The following TAOK1 variants were observed in gnomAD, a reference collection of about 807,000 sequenced individuals.
The protein encoded by TAOK1 is TAO kinase 1.
Under a neutral mutation model 138.3 loss-of-function variants are expected in TAOK1, and 21 were observed. The observed-to-expected ratio is 0.15, with a 90% confidence interval of 0.11 to 0.22. The LOEUF is 0.22. TAOK1 is among the 10% of genes least tolerant of loss of function. The pLI, the probability that TAOK1 is intolerant of heterozygous loss-of-function variation, is 1.00. For missense variants in TAOK1, 651 were observed against 1,227.7 expected (o/e 0.53, Z 7.02); for synonymous variants, 361 against 398.4 (o/e 0.91, Z 1.12).
intron 1 of TAOK1, among the ~76,000 whole-genome samples, chr17:29,420,585 G>GTTT (rs71360703): frequency 0.14 from 17,138 of 123,400 alleles, 1,776 homozygotes; most frequent in Middle Eastern, 0.18. Flanking sequence ...TACTTAATCT[G>GTTT]TTTTTTTTTT....
chr17:29,393,334 C>T (rs1904487373), intron 1 of TAOK1, among the ~76,000 whole-genome samples: 1 of 151,748 alleles, frequency 6.6e-6, no homozygotes, highest in Non-Finnish European at 1.5e-5. Context: ...TGTAGGTTAA[C>T]TATTTACTTG....
At chr17:29,538,138 A>G (rs574172242) in intron 19 of TAOK1, among the ~76,000 whole-genome samples, 1 of 151,664 alleles carries the variant, frequency 6.6e-6, no homozygotes, top group Admixed American at 6.6e-5. Flanking sequence ...AAAGGTAAAC[A>G]TGGCCAAGCC....
intron 1 of TAOK1, among the ~76,000 whole-genome samples, chr17:29,407,468 CAG>C (rs1475668449): frequency 6.6e-6 from 1 of 151,984 alleles, no homozygotes; most frequent in African/African-American, 2.4e-5. Context: ...TTTTTTGAGA[CAG>C]AGTCTCACTC....
At chr17:29,514,128 GA>G (rs2031773151) in intron 15 of TAOK1, 1 of 151,994 alleles carries the variant, frequency 6.6e-6, no homozygotes, top group African/African-American at 2.4e-5. Flanking sequence ...CCTCGAAAAA[GA>G]AAAAGATAAC....
In TAOK1 at chr17:29,423,224, C is replaced by CTT. The variant is rs200888309; in HGVS notation, c.-94-28219_-94-28218dup. On this transcript the variant is annotated intron_variant, in intron 1 of 19. Transcript: ENST00000261716. ...TTTGGTACTAAATCTTTCTTCTTTTCTTTTTTTTTTTTTGAGACAGAGTCT... is the reference window on the plus strand; with the variant it reads ...TTTGGTACTAAATCTTTCTTCTTTTCTTTTTTTTTTTTTTTGAGACAGAGTCT... Among the ~76,000 whole-genome samples the CTT allele has an allele frequency of 7.5e-4, 84 of 112,712 alleles. 1 individual carries two copies. The highest frequency in any genetic ancestry group is 4.9e-3 in the Middle Eastern group (1 of 206). The allele number at this position is 112,712 out of a possible 152,430, so 73.9% of individuals were successfully genotyped here.
chr17:29,508,566 T>C (rs967284763), intron 14 of TAOK1, among the ~76,000 whole-genome samples: 1 of 152,146 alleles, frequency 6.6e-6, no homozygotes, highest in Non-Finnish European at 1.5e-5. Context: ...AGCTTTTTGT[T>C]TCCTGGTTAT....
intron 1 of TAOK1, among the ~76,000 whole-genome samples, chr17:29,418,449 C>T (rs896912844): frequency 5.9e-5 from 9 of 151,778 alleles, no homozygotes; most frequent in African/African-American, 2.2e-4. Context: ...AAGTGATCCT[C>T]CCACCTTGGC....
rs764602200 is a variant in TAOK1, at chr17:29,551,626, G to C, written c.*8604G>C. ...ACCAGCTGGTAAAGGTGACTGTACA[G>C]ATGTGCATTTTCCTTTTGGTATAAA... On this transcript the variant is annotated 3_prime_UTR_variant, in exon 20 of 20. Transcript: ENST00000261716. 3 of 152,652 alleles carry C rather than the reference G, an allele frequency of 2.0e-5. No homozygotes were observed. Among genetic ancestry groups the C allele is most frequent in the Non-Finnish European group, 4.4e-5 (3 of 68,046 alleles). The allele number at this position is 152,652 out of a possible 1,614,324, so 9.5% of individuals were successfully genotyped here. A position where few individuals can be genotyped will look rare whatever the true frequency, so the allele number is the denominator to read the frequency against.
At chr17:29,400,904 CTTTTT>C (rs10539936) in intron 1 of TAOK1, among the ~76,000 whole-genome samples, 18 of 105,238 alleles carry the variant, frequency 1.7e-4, no homozygotes, top group East Asian at 3.3e-4. Flanking sequence ...TTGTTTGCCT[CTTTTT>C]TTTTTTTTTT....
At chr17:29,430,685 C>G (rs1905798932) in intron 1 of TAOK1, among the ~76,000 whole-genome samples, 1 of 152,100 alleles carries the variant, frequency 6.6e-6, no homozygotes. Context: ...CCTTAGGTTC[C>G]CTGCCTCCAG....
Position 29,491,772 on chromosome 17 carries a change from C to A in TAOK1, c.750-12C>A. 6.2e-7 allele frequency: 1 copy of A among 1,601,482 alleles called. No individual in the cohort carries two copies. Among genetic ancestry groups the A allele is most frequent in the Non-Finnish European group, 8.6e-7 (1 of 1,169,020 alleles). On this transcript the variant is annotated splice_polypyrimidine_tract_variant and intron_variant, in intron 9 of 19. Coordinates refer to ENST00000261716, the MANE Select transcript of TAOK1 (RefSeq NM_020791.4). Reference sequence around the variant, plus strand: ...TAGCAATGTGTTCACTTGATACTTTCCTTTACAATAGGTCTGATTATTTTC... The same window carrying A: ...TAGCAATGTGTTCACTTGATACTTTACTTTACAATAGGTCTGATTATTTTC...
At chr17:29,491,076 A>T (rs1227210478) in intron 9 of TAOK1, among the ~76,000 whole-genome samples, 1 of 152,198 alleles carries the variant, frequency 6.6e-6, no homozygotes. Flanking sequence ...AATATATTGA[A>T]CACAGACTGT....
At chr17:29,455,902 T>C (rs986766213) in intron 2 of TAOK1, among the ~76,000 whole-genome samples, 1 of 150,352 alleles carries the variant, frequency 6.7e-6, no homozygotes, top group Non-Finnish European at 1.5e-5. Context: ...CATTCCACAT[T>C]TGTAAGAGAT....
intron 1 of TAOK1, among the ~76,000 whole-genome samples, chr17:29,400,093 C>T (rs975959142): frequency 6.6e-6 from 1 of 151,994 alleles, no homozygotes; most frequent in African/African-American, 2.4e-5. Flanking sequence ...TAAAGCCTGT[C>T]TTAAGAAATG....
At position 29,478,309 on chromosome 17, in the gene TAOK1, G is replaced by C; in HGVS notation, c.411G>C (p.Gln137His). 6.2e-7 allele frequency: 1 copy of C among 1,601,818 alleles called. No individual in the cohort carries two copies. Among genetic ancestry groups the C allele is most frequent in the Non-Finnish European group, 8.5e-7 (1 of 1,175,398 alleles). ...CAGCAATTACACATGGTGCTCTTCAGGGATTAGCCTACTTACATTCTCATA... is the reference window on the plus strand; with the variant it reads ...CAGCAATTACACATGGTGCTCTTCACGGATTAGCCTACTTACATTCTCATA... Reference protein sequence around the residue: ...EIAAITHGALQGLAYLHSHTM... With the variant: ...EIAAITHGALHGLAYLHSHTM... The change falls in exon 6 of 20, where the codon CAG (glutamine) becomes CAC (histidine). Residue 137 changes from glutamine (Q) to histidine (H), a missense_variant. Around this residue, in one of 8 missense-constraint regions of TAOK1, gnomAD observed 116 missense variants for 213.9 expected, o/e 0.54. Transcript: ENST00000261716.
chr17:29,508,497 A>G (rs889738706), intron 14 of TAOK1, among the ~76,000 whole-genome samples: 8 of 152,168 alleles, frequency 5.3e-5, no homozygotes, highest in Non-Finnish European at 7.3e-5. Context: ...ACATGGGACC[A>G]TTTCCTGATT....
intron 1 of TAOK1, among the ~76,000 whole-genome samples, chr17:29,436,536 C>T (rs909582012): frequency 3.3e-5 from 5 of 152,186 alleles, no homozygotes; most frequent in African/African-American, 1.2e-4. Flanking sequence ...TAAAGTCTTA[C>T]AGTCTATTAT....
chr17:29,456,156 T>G (rs1235285528), intron 2 of TAOK1, among the ~76,000 whole-genome samples: 1 of 150,218 alleles, frequency 6.7e-6, no homozygotes, highest in Non-Finnish European at 1.5e-5. Flanking sequence ...GAGACCAGCC[T>G]GGACAACATG....
chr17:29,450,587 C>T (rs748916082), intron 1 of TAOK1, among the ~76,000 whole-genome samples: 2 of 152,148 alleles, frequency 1.3e-5, no homozygotes, highest in African/African-American at 2.4e-5. Flanking sequence ...TCATAGCTCA[C>T]TGCAACCTTG....
Sources: allele counts gnomAD v4.1 joint callset (sites outside exome capture counted in the v4.1 genomes callset), GRCh38; gene constraint gnomAD v4.1.1; regional missense constraint gnomAD v4.1.1; transcripts MANE v1.5; gene names NCBI Gene and HGNC (gene_info 2026-07-23, HGNC 2026-07-21).